SUMF1: variants seen among roughly 807,000 people sequenced by gnomAD.
The protein encoded by SUMF1 is sulfatase modifying factor 1.
A neutral mutation model predicts 47.6 loss-of-function variants in SUMF1; 48 were observed. The ratio of observed to expected loss-of-function variants is 1.01; its 90% CI spans 0.80 to 1.28. SUMF1 has a LOEUF of 1.28. SUMF1 is among the 50% of genes most tolerant of loss of function. SUMF1 has a pLI of 0.00. For missense variants in SUMF1, 571 were observed against 485.4 expected (o/e 1.18, Z -1.66); for synonymous variants, 230 against 192.1 (o/e 1.20, Z -1.63).
chr3:4,121,170 AT>A (rs60969885), intron 8 of SUMF1, among the ~76,000 whole-genome samples: 6,510 of 152,062 alleles, frequency 0.043, 474 homozygotes, highest in African/African-American at 0.15. Flanking sequence ...TGACTTGACA[AT>A]TTTTTTCCCA....
intron 7 of SUMF1, among the ~76,000 whole-genome samples, chr3:4,405,314 G>C (rs1424836652): frequency 6.6e-6 from 1 of 152,148 alleles, no homozygotes; most frequent in Non-Finnish European, 1.5e-5. Flanking sequence ...AGCTCAGAGG[G>C]GTGGCCTCTG....
At chr3:4,288,664 G>A (rs1190298591) in intron 8 of SUMF1, among the ~76,000 whole-genome samples, 1 of 152,094 alleles carries the variant, frequency 6.6e-6, no homozygotes, top group Non-Finnish European at 1.5e-5. Flanking sequence ...TGGGCATGGT[G>A]GCATGCACCT....
chr3:4,158,364 G>T lies in SUMF1; in HGVS notation c.1015-89619C>A, dbSNP rs59969325. 8.4e-4 allele frequency among the ~76,000 whole-genome samples: 127 copies of T among 151,444 alleles called. 2 individuals carry two copies. Among genetic ancestry groups the T allele is most frequent in the African/African-American group, 3.0e-3 (123 of 40,910 alleles). On this transcript the variant is annotated intron_variant and NMD_transcript_variant, in intron 8 of 12. Coordinates refer to the SUMF1 transcript ENST00000448413. ...TTTTTTGAATGTTTGCTTGTTTTGT[G>T]AGCTAACGTGGTCTATCCCGAGAAT...
At chr3:4,225,036 ACTTTAGCT>A (rs1004298303) in intron 8 of SUMF1, among the ~76,000 whole-genome samples, 1 of 152,114 alleles carries the variant, frequency 6.6e-6, no homozygotes, top group African/African-American at 2.4e-5. Flanking sequence ...ACAATGTCAA[ACTTTAGCT>A]GTGCACAAGA....
At chr3:4,056,192 C>A (rs966978448) in intron 9 of SUMF1, among the ~76,000 whole-genome samples, 4 of 152,148 alleles carry the variant, frequency 2.6e-5, no homozygotes, top group African/African-American at 9.7e-5. Flanking sequence ...ATGTAGACAT[C>A]TTTAGGGACC....
At chr3:4,238,521 C>T (rs527380857) in intron 8 of SUMF1, among the ~76,000 whole-genome samples, 25 of 152,210 alleles carry the variant, frequency 1.6e-4, no homozygotes, top group African/African-American at 5.1e-4. Context: ...ATTTCTCTAA[C>T]GACCAGTGAC....
At chr3:4,078,204 G>A (rs995509931) in intron 8 of SUMF1, among the ~76,000 whole-genome samples, 1 of 152,090 alleles carries the variant, frequency 6.6e-6, no homozygotes, top group Non-Finnish European at 1.5e-5. Flanking sequence ...AGGCATACAA[G>A]CTGAATCTAT....
chr3:4,198,846 C>A (rs1243336609), intron 8 of SUMF1, among the ~76,000 whole-genome samples: 2 of 151,912 alleles, frequency 1.3e-5, no homozygotes, highest in African/African-American at 4.8e-5. Context: ...TCAAGAACCA[C>A]CATGAAGTAT....
At chr3:4,226,267 T>A (rs1696172157) in intron 8 of SUMF1, among the ~76,000 whole-genome samples, 1 of 83,386 alleles carries the variant, frequency 1.2e-5, no homozygotes, top group Non-Finnish European at 2.1e-5. Context: ...TTTGTTTCTT[T>A]TTTTTTTTTT....
At chr3:4,431,333 T>C (rs1235756324) in intron 3 of SUMF1, among the ~76,000 whole-genome samples, 6 of 152,216 alleles carry the variant, frequency 3.9e-5, no homozygotes, top group African/African-American at 1.4e-4. Context: ...CCTTTCCTAA[T>C]TGGTTTTCTA....
intron 8 of SUMF1, among the ~76,000 whole-genome samples, chr3:4,275,016 T>C (rs1455840615): frequency 6.6e-6 from 1 of 152,098 alleles, no homozygotes; most frequent in Non-Finnish European, 1.5e-5. Context: ...GCATTACCCA[T>C]CAGAAGTGTT....
intron 8 of SUMF1, among the ~76,000 whole-genome samples, chr3:4,259,505 AT>A (rs1342397680): frequency 6.6e-6 from 1 of 152,134 alleles, no homozygotes; most frequent in Admixed American, 6.5e-5. Flanking sequence ...TTGACAAAAT[AT>A]TTGGATTCGA....
chr3:4,180,065 G>A (rs1695058277), intron 8 of SUMF1, among the ~76,000 whole-genome samples: 1 of 152,182 alleles, frequency 6.6e-6, no homozygotes, highest in Non-Finnish European at 1.5e-5. Context: ...AGAGGATGTG[G>A]AGAAATAGGA....
At chr3:4,327,995 C>T (rs1360837970) in intron 8 of SUMF1, among the ~76,000 whole-genome samples, 1 of 152,160 alleles carries the variant, frequency 6.6e-6, no homozygotes, top group African/African-American at 2.4e-5. Flanking sequence ...GTCAGAGGAT[C>T]ACTCGAGTCT....
At chr3:4,160,959 C>T (rs1088207) in intron 8 of SUMF1, among the ~76,000 whole-genome samples, 10,838 of 152,134 alleles carry the variant, frequency 0.071, 444 homozygotes, top group Non-Finnish European at 0.087. Context: ...ATGTACCCAT[C>T]CTTCTTGGGA....
intron 2 of SUMF1, among the ~76,000 whole-genome samples, 183 bp from the exon 3 acceptor site, chr3:4,449,523 C>A (rs1024591058): frequency 3.9e-5 from 6 of 152,230 alleles, no homozygotes; most frequent in African/African-American, 1.2e-4. Context: ...AAATTAATGT[C>A]ACTTACAGAG....
chr3:4,254,738 C>T (rs1257935165), intron 8 of SUMF1, among the ~76,000 whole-genome samples: 2 of 149,112 alleles, frequency 1.3e-5, no homozygotes, highest in South Asian at 2.2e-4. Context: ...GGCAGGCCAA[C>T]GTTCAGATTC....
At chr3:4,280,547 A>G (rs1697507099) in intron 8 of SUMF1, among the ~76,000 whole-genome samples, 8 of 152,106 alleles carry the variant, frequency 5.3e-5, no homozygotes, top group Admixed American at 5.2e-4. Context: ...GGCTTTATAG[A>G]GAAGGTAGCT....
intron 8 of SUMF1, chr3:4,229,386 A>C (rs1696248773): frequency 2.5e-6 from 1 of 395,438 alleles, no homozygotes; most frequent in Non-Finnish European, 5.0e-6. Context: ...CAAGAAGAGA[A>C]ACCACAAGAG....
Sources: allele counts gnomAD v4.1 joint callset (sites outside exome capture counted in the v4.1 genomes callset), GRCh38; gene constraint gnomAD v4.1.1; transcripts MANE v1.5; gene names NCBI Gene and HGNC (gene_info 2026-07-23, HGNC 2026-07-21).